ATP8A1: variants seen among roughly 807,000 people sequenced by gnomAD.
The protein encoded by ATP8A1 is phospholipid-transporting ATPase IA.
Under a neutral mutation model 177.7 loss-of-function variants are expected in ATP8A1, and 90 were observed. That is an observed-to-expected ratio of 0.51 (90% CI 0.43 to 0.60). The LOEUF is 0.60. Ranked by LOEUF, ATP8A1 falls within the 20% of genes least tolerant of loss-of-function variation. The pLI is 0.00. For synonymous variants in ATP8A1, 493 were observed against 485.9 expected (o/e 1.01, Z -0.19); for missense variants, 1,072 against 1,392.8 (o/e 0.77, Z 3.67).
intron 24 of ATP8A1, among the ~76,000 whole-genome samples, chr4:42,495,070 C>T (rs1723126856): frequency 6.6e-6 from 1 of 152,176 alleles, no homozygotes; most frequent in African/African-American, 2.4e-5. Context: ...CTTAAACTAA[C>T]ACATATTTTA....
chr4:42,520,983 T>G (rs1726063425), intron 22 of ATP8A1, among the ~76,000 whole-genome samples: 2 of 151,864 alleles, frequency 1.3e-5, no homozygotes, highest in Admixed American at 6.6e-5. Flanking sequence ...CATCCCCACA[T>G]TACATAAAGG....
chr4:42,652,137 C>T (rs948411498), intron 1 of ATP8A1, among the ~76,000 whole-genome samples: 6 of 152,194 alleles, frequency 3.9e-5, no homozygotes, highest in Non-Finnish European at 7.3e-5. Flanking sequence ...ATTTGGATGT[C>T]CCCGTTACCT....
At chr4:42,464,294 C>A (rs1421374358) in intron 27 of ATP8A1, among the ~76,000 whole-genome samples, 2 of 137,606 alleles carry the variant, frequency 1.5e-5, no homozygotes, top group Non-Finnish European at 3.1e-5. Flanking sequence ...GGGGTGGAGT[C>A]TCACTCTGTT....
intron 14 of ATP8A1, among the ~76,000 whole-genome samples, chr4:42,573,871 G>T (rs897095944): frequency 6.6e-6 from 1 of 152,108 alleles, no homozygotes; most frequent in Non-Finnish European, 1.5e-5. Context: ...CTCACTTCTA[G>T]GTAGATAAGG....
intron 25 of ATP8A1, among the ~76,000 whole-genome samples, chr4:42,479,996 TTGTGTGTGTGTGTGTGTG>T: frequency 7.4e-6 from 1 of 135,658 alleles, no homozygotes; most frequent in Non-Finnish European, 1.6e-5. Context: ...GCAGTTCTGC[TTGTGTGTGTGTGTGTGTG>T]TGTGTGTGTG....
intron 7 of ATP8A1, among the ~76,000 whole-genome samples, chr4:42,589,698 G>T (rs969523793): frequency 6.6e-6 from 1 of 151,988 alleles, no homozygotes; most frequent in African/African-American, 2.4e-5. Context: ...TCTGGAAATT[G>T]CTCGAAATTT....
chr4:42,616,864 T>G (rs1490757770), intron 4 of ATP8A1, among the ~76,000 whole-genome samples: 2 of 152,190 alleles, frequency 1.3e-5, no homozygotes, highest in African/African-American at 4.8e-5. Flanking sequence ...CCAGGAAAGC[T>G]ATTTTCTCTC....
chr4:42,437,120 A>T (rs1252018083), intron 33 of ATP8A1, among the ~76,000 whole-genome samples: 1 of 152,184 alleles, frequency 6.6e-6, no homozygotes, highest in East Asian at 1.9e-4. Context: ...GCAGAAACAG[A>T]TGGTGCTCGG....
At chr4:42,463,989 G>A (rs1719452721) in intron 27 of ATP8A1, among the ~76,000 whole-genome samples, 1 of 152,140 alleles carries the variant, frequency 6.6e-6, no homozygotes, top group East Asian at 1.9e-4. Flanking sequence ...AATTAGAGGT[G>A]CTAGCTTCAG....
At chr4:42,472,079 G>C in intron 25 of ATP8A1, 6 of 716,622 alleles carry the variant, frequency 8.4e-6, no homozygotes, top group Non-Finnish European at 1.1e-5. Flanking sequence ...TCAGTGGGAA[G>C]CATGCTGTCT....
intron 20 of ATP8A1, among the ~76,000 whole-genome samples, chr4:42,532,354 C>T (rs1303835182): frequency 4.0e-5 from 6 of 151,768 alleles, no homozygotes; most frequent in Admixed American, 6.6e-5. Context: ...GGCATGATGG[C>T]GGGTGACTGT....
chr4:42,442,888 T>A (rs1484725464), intron 33 of ATP8A1, among the ~76,000 whole-genome samples: 1 of 152,314 alleles, frequency 6.6e-6, no homozygotes, highest in East Asian at 1.9e-4. Flanking sequence ...TTTACTTTTA[T>A]ACATTTTATG....
intron 31 of ATP8A1, among the ~76,000 whole-genome samples, chr4:42,445,200 C>T (rs1387950451): frequency 1.3e-5 from 2 of 152,152 alleles, no homozygotes; most frequent in African/African-American, 4.8e-5. Flanking sequence ...AAAAAGGAAA[C>T]TGGGGTTGGA....
intron 20 of ATP8A1, among the ~76,000 whole-genome samples, chr4:42,543,289 A>C (rs1425707723): frequency 6.6e-6 from 1 of 152,160 alleles, no homozygotes; most frequent in Non-Finnish European, 1.5e-5. Flanking sequence ...AAGGTTATAA[A>C]CTAGGTAAAT....
chr4:42,494,689 C>G (rs1301624315), intron 24 of ATP8A1, among the ~76,000 whole-genome samples: 5 of 152,314 alleles, frequency 3.3e-5, no homozygotes, highest in African/African-American at 1.2e-4. Flanking sequence ...CACTGATTTT[C>G]TCTCTTAATT....
At chr4:42,654,802 C>T (rs1039495246) in intron 1 of ATP8A1, among the ~76,000 whole-genome samples, 2 of 152,238 alleles carry the variant, frequency 1.3e-5, no homozygotes, top group African/African-American at 4.8e-5. Flanking sequence ...GTCCAATCAG[C>T]TGAGGCCAAA....
At chr4:42,607,964 C>T (rs1735964344) in intron 5 of ATP8A1, among the ~76,000 whole-genome samples, 1 of 152,130 alleles carries the variant, frequency 6.6e-6, no homozygotes, top group African/African-American at 2.4e-5. Context: ...TGCAAAACTC[C>T]TCTACCAGTT....
chr4:42,578,742 A>G (rs780014926), intron 11 of ATP8A1, among the ~76,000 whole-genome samples: 3 of 152,164 alleles, frequency 2.0e-5, no homozygotes, highest in Non-Finnish European at 2.9e-5. Flanking sequence ...TAAATTCTTA[A>G]GAGTATTTCC....
At chr4:42,471,020 C>T (rs1163534614) in intron 25 of ATP8A1, among the ~76,000 whole-genome samples, 4 of 151,986 alleles carry the variant, frequency 2.6e-5, no homozygotes, top group African/African-American at 7.3e-5. Context: ...TAAAATTTGG[C>T]AGGTTCATTT....
Sources: gnomAD v4.1 joint callset for allele counts (sites outside exome capture counted in the v4.1 genomes callset) on GRCh38, gnomAD v4.1.1 for gene constraint, MANE v1.5 for transcripts, NCBI Gene and HGNC (gene_info 2026-07-23, HGNC 2026-07-21) for gene names.